CHRM3: variants seen among roughly 807,000 people sequenced by gnomAD.
CHRM3 encodes cholinergic receptor muscarinic 3, also known as muscarinic acetylcholine receptor M3.
CHRM3 carries 11 observed loss-of-function variants against 41.8 expected under a neutral mutation model. The ratio of observed to expected loss-of-function variants is 0.26; its 90% confidence interval spans 0.17 to 0.44. The LOEUF is 0.44. Ranked by LOEUF, CHRM3 falls within the 20% of genes least tolerant of loss-of-function variation. CHRM3 has a pLI of 1.00. For synonymous variants in CHRM3, 297 were observed against 301.4 expected, an observed-to-expected ratio of 0.99 and a Z score of 0.15; for missense variants, 571 against 745.4, an observed-to-expected ratio of 0.77 and a Z score of 2.72.
At chr1:239,751,568 A>G (rs1665830207) in intron 5 of CHRM3, among the ~76,000 whole-genome samples, 4 of 152,176 alleles carry the variant, frequency 2.6e-5, no homozygotes, top group Admixed American at 2.6e-4. Context: ...TTTTATTAAG[A>G]TGCTTTTACT....
In CHRM3 at chr1:239,554,488, G is replaced by A. The variant is rs147956790; in HGVS notation, c.-313+8739G>A. On this transcript the variant is annotated intron_variant, in intron 3 of 6. Transcript: ENST00000676153. The stretch of plus-strand genomic sequence containing the variant: ...TGTGTGTGTATGTGTGTGCACGCAC[G>A]CAGGCATGCAGAAAAAGAGTGATCA... Among the ~76,000 whole-genome samples the A allele has an allele frequency of 3.6e-3, 541 of 151,942 alleles. 2 individuals are homozygous for A. The highest frequency in any genetic ancestry group is 0.012 in the African/African-American group (517 of 41,418).
intron 6 of CHRM3, among the ~76,000 whole-genome samples, chr1:239,891,963 G>A (rs115884355): frequency 6.6e-6 from 1 of 152,164 alleles, no homozygotes; most frequent in Admixed American, 6.5e-5. Flanking sequence ...CATCACAGCC[G>A]AGAACTCGGT....
intron 6 of CHRM3, among the ~76,000 whole-genome samples, chr1:239,895,799 A>G (rs773255723): frequency 2.0e-5 from 3 of 152,152 alleles, no homozygotes; most frequent in East Asian, 1.9e-4. Flanking sequence ...AGGGAACAAC[A>G]TATACCAGGG....
intron 1 of CHRM3, among the ~76,000 whole-genome samples, chr1:239,444,098 G>A (rs1255194579): frequency 6.6e-6 from 1 of 152,156 alleles, no homozygotes; most frequent in African/African-American, 2.4e-5. Flanking sequence ...CCATCTCTGG[G>A]CCTTTCAAGA....
chr1:239,564,856 A>G (rs1314299094), intron 3 of CHRM3, among the ~76,000 whole-genome samples: 1 of 152,154 alleles, frequency 6.6e-6, no homozygotes, highest in Non-Finnish European at 1.5e-5. Flanking sequence ...TCCTATTGCA[A>G]CTCTAACAAA....
chr1:239,826,841 A>G (rs1339371567), intron 5 of CHRM3: 2 of 152,136 alleles, frequency 1.3e-5, no homozygotes, highest in Non-Finnish European at 2.9e-5. Flanking sequence ...AAATAATAAT[A>G]TTTCTTTCCA....
chr1:239,518,417 A>G (rs147480398), intron 2 of CHRM3, among the ~76,000 whole-genome samples: 59 of 152,332 alleles, frequency 3.9e-4, no homozygotes, highest in Non-Finnish European at 6.6e-4. Context: ...TATTATAAGT[A>G]GGAGGCTCAT....
chr1:239,776,639 A>G (rs968284882), intron 5 of CHRM3, among the ~76,000 whole-genome samples: 2 of 152,158 alleles, frequency 1.3e-5, no homozygotes, highest in African/African-American at 2.4e-5. Flanking sequence ...ATGCCAAGGT[A>G]CTCACCATAT....
At chr1:239,436,596 T>C (rs1470073886) in intron 1 of CHRM3, among the ~76,000 whole-genome samples, 4 of 151,966 alleles carry the variant, frequency 2.6e-5, no homozygotes. Context: ...CAAGGGATAG[T>C]CACCCATCCT....
chr1:239,656,156 G>T (rs1301415121), intron 4 of CHRM3, among the ~76,000 whole-genome samples: 1 of 150,406 alleles, frequency 6.6e-6, no homozygotes, highest in African/African-American at 2.5e-5. Flanking sequence ...CCAAATGGGA[G>T]AGGGAAGGAA....
At position 239,848,852 on chromosome 1, in the gene CHRM3, C is replaced by A. The variant is rs543604470; in HGVS notation, c.-20+21474C>A. ...CTCATTAAACTAACTATGGTATAAACGTGTCATGGTGTTTCCACAGCACAT... is the reference window on the plus strand; with the variant it reads ...CTCATTAAACTAACTATGGTATAAAAGTGTCATGGTGTTTCCACAGCACAT... On this transcript the variant is annotated intron_variant, in intron 6 of 6. Coordinates refer to ENST00000676153, the MANE Select transcript of CHRM3 (RefSeq NM_001375978.1). 2.0e-5 allele frequency among the ~76,000 whole-genome samples: 3 copies of A among 152,120 alleles called. No individual in the cohort carries two copies. The South Asian group carries it at 6.2e-4, about 32-fold the overall frequency.
intron 3 of CHRM3, among the ~76,000 whole-genome samples, chr1:239,612,322 A>G (rs1667165775): frequency 6.6e-6 from 1 of 152,184 alleles, no homozygotes; most frequent in Non-Finnish European, 1.5e-5. Context: ...AGGTATTTTT[A>G]TTAACTGCTA....
At chr1:239,803,842 AC>A (rs1471892266) in intron 5 of CHRM3, among the ~76,000 whole-genome samples, 3 of 152,146 alleles carry the variant, frequency 2.0e-5, no homozygotes, top group South Asian at 2.1e-4. Context: ...TCACCCACCC[AC>A]CCTCTCAGAA....
intron 1 of CHRM3, among the ~76,000 whole-genome samples, chr1:239,476,463 C>CAAAA (rs71567246): frequency 8.5e-6 from 1 of 117,676 alleles, no homozygotes. Context: ...AGACTCCATC[C>CAAAA]AAAAAAAAAA....
At chr1:239,637,964 C>T (rs928280013) in intron 4 of CHRM3, among the ~76,000 whole-genome samples, 35 of 137,674 alleles carry the variant, frequency 2.5e-4, no homozygotes, top group Admixed American at 1.6e-4. Context: ...TTCCTGTGTC[C>T]ACGTGTTCTC....
chr1:239,395,992 GTC>G (rs1175590755), intron 1 of CHRM3, among the ~76,000 whole-genome samples: 1 of 152,148 alleles, frequency 6.6e-6, no homozygotes, highest in Non-Finnish European at 1.5e-5. Flanking sequence ...AAGTCTCAAG[GTC>G]ACCCTTCACT....
rs5782110 is a variant in CHRM3 at position 239,909,421 on chromosome 1, G to GAA, written c.*206_*207dup. 0.15 allele frequency: 64,780 copies of GAA among 424,282 alleles called. 2,889 individuals carry two copies. Among genetic ancestry groups the GAA allele is most frequent in the East Asian group, 0.28 (7,303 of 26,524 alleles). 26.3% of individuals were successfully genotyped at this position (424,282 alleles called of 1,614,324 possible). A position where few individuals can be genotyped will look rare whatever the true frequency, so the allele number is the denominator to read the frequency against. Reference sequence around the variant, plus strand: ...AAAGTCAATACCAATTCAGCAAAAAGAAAAAAAAAACATACTACTGAATAT... The same window carrying GAA: ...AAAGTCAATACCAATTCAGCAAAAAGAAAAAAAAAAAACATACTACTGAATAT... On this transcript the variant is annotated 3_prime_UTR_variant, in exon 7 of 7. Transcript: ENST00000676153.
chr1:239,575,365 A>C (rs1224961471), intron 3 of CHRM3, among the ~76,000 whole-genome samples: 1 of 152,216 alleles, frequency 6.6e-6, no homozygotes, highest in Non-Finnish European at 1.5e-5. Context: ...GACTAAAGCC[A>C]TTAGTCTGTT....
At chr1:239,644,255 C>T (rs1004636591) in intron 4 of CHRM3, among the ~76,000 whole-genome samples, 1 of 152,136 alleles carries the variant, frequency 6.6e-6, no homozygotes, top group African/African-American at 2.4e-5. Context: ...ACCCTTGATG[C>T]TTTGTAAGAA....
Sources: gnomAD v4.1 joint callset for allele counts (sites outside exome capture counted in the v4.1 genomes callset) on GRCh38, gnomAD v4.1.1 for gene constraint, MANE v1.5 for transcripts, NCBI Gene and HGNC (gene_info 2026-07-23, HGNC 2026-07-21) for gene names.